The following TMTC4 variants were observed in gnomAD, a reference collection of about 807,000 sequenced individuals.
TMTC4 encodes protein O-mannosyl-transferase TMTC4.
A neutral mutation model predicts 86.0 loss-of-function variants in TMTC4; 65 were observed. The observed-to-expected ratio is 0.76, with a 90% CI of 0.62 to 0.93. TMTC4 has a LOEUF of 0.93. Among genes scored for constraint, TMTC4 ranks in the 40% least tolerant of loss-of-function variants. The pLI is 0.00. For missense variants in TMTC4, 866 were observed against 948.1 expected, an observed-to-expected ratio of 0.91 and a Z score of 1.14; for synonymous variants, 379 against 382.5, an observed-to-expected ratio of 0.99 and a Z score of 0.11.
At chr13:100,662,081 C>T (rs1017161705) in intron 5 of TMTC4, among the ~76,000 whole-genome samples, 1 of 151,862 alleles carries the variant, frequency 6.6e-6, no homozygotes, top group African/African-American at 2.4e-5. Context: ...ACAGAGGCAG[C>T]GCGATGGGAT....
chr13:100,612,341 G>A (rs1010495834), intron 17 of TMTC4, 57 bp downstream of exon 17: 16 of 1,306,410 alleles, frequency 1.2e-5, no homozygotes, highest in Non-Finnish European at 1.6e-5. Context: ...TAACACTTAC[G>A]TCTTCTGTCA....
intron 12 of TMTC4, among the ~76,000 whole-genome samples, chr13:100,632,053 A>ACACACACTCACTCTCTCT (rs1296569630): frequency 2.3e-5 from 1 of 43,110 alleles, no homozygotes; most frequent in Non-Finnish European, 4.7e-5. Flanking sequence ...ACACACACAC[A>ACACACACTCACTCTCTCT]CTCTCTCTCT....
intron 7 of TMTC4, 76 bp downstream of exon 7, chr13:100,642,135 G>A: frequency 1.3e-6 from 2 of 1,498,222 alleles, no homozygotes; most frequent in Non-Finnish European, 1.8e-6. Context: ...CAGAGGCAGG[G>A]CCAGCCCCAG....
At chr13:100,664,663 T>C (rs139298799) in intron 3 of TMTC4, among the ~76,000 whole-genome samples, 69 of 152,274 alleles carry the variant, frequency 4.5e-4, no homozygotes, top group African/African-American at 1.5e-3. Context: ...GGGTCACCCC[T>C]GGACAGTCAC....
chr13:100,659,677 G>C (rs529254765), intron 5 of TMTC4, among the ~76,000 whole-genome samples: 67 of 151,776 alleles, frequency 4.4e-4, no homozygotes, highest in Non-Finnish European at 8.4e-4. Context: ...CCTGTCAGAG[G>C]GTTTGGGTGT....
chr13:100,609,680 T>TACACAC lies in TMTC4; in HGVS notation c.2064+2712_2064+2717dup, dbSNP rs60083702. On this transcript the variant is annotated intron_variant, in intron 17 of 18. Coordinates refer to ENST00000342624, the MANE Select transcript of TMTC4 (RefSeq NM_032813.5). ...TGAATGCTCACTAAATGTATATATA[T>TACACAC]ACACACACACACACACACACACCCA... 4.5e-3 allele frequency among the ~76,000 whole-genome samples: 686 copies of TACACAC among 150,828 alleles called. 7 individuals are homozygous for TACACAC. The highest frequency in any genetic ancestry group is 0.015 in the African/African-American group (628 of 40,934).
In TMTC4 at chr13:100,663,162, C is replaced by A; in HGVS notation, c.354G>T (p.Ser118=). ...VLTFRINYYL[S]GGFHPVGFHV... is the part of the protein sequence containing the mutation. ...GAAAGCCCACGGGGTGGAAGCCTCCCGAGAGGTAGTAGTTAATCCTGCAGA... is the reference window on the plus strand; with the variant it reads ...GAAAGCCCACGGGGTGGAAGCCTCCAGAGAGGTAGTAGTTAATCCTGCAGA... The change falls in exon 5 of 19, where the codon TCG becomes TCT. Residue 118 remains serine (S), a synonymous_variant. Transcript: ENST00000342624. 1 of 1,614,130 alleles carries A rather than the reference C, an allele frequency of 6.2e-7. No homozygotes were observed. The highest frequency in any genetic ancestry group is 8.5e-7 in the Non-Finnish European group (1 of 1,180,036).
At chr13:100,624,624 T>C (rs1487471555) in intron 15 of TMTC4, among the ~76,000 whole-genome samples, 5 of 152,250 alleles carry the variant, frequency 3.3e-5, no homozygotes, top group East Asian at 1.9e-4. Context: ...GCTTCAGGCC[T>C]TTAAAACGAG....
At chr13:100,675,062 A>G, upstream of TMTC4, 1 of 985,658 alleles carries the variant, frequency 1.0e-6, no homozygotes, top group Non-Finnish European at 1.2e-6. Context: ...GCAGGGACAG[A>G]CGGACCCGGC....
At chr13:100,620,076 A>G (rs888149589) in intron 15 of TMTC4, among the ~76,000 whole-genome samples, 2 of 152,222 alleles carry the variant, frequency 1.3e-5, no homozygotes, top group Admixed American at 6.5e-5. Context: ...CTTTCAGGGA[A>G]GCAGAAAAAG....
chr13:100,642,095 A>C, intron 7 of TMTC4, 116 bp downstream of exon 7: 3 of 1,026,142 alleles, frequency 2.9e-6, no homozygotes, highest in Non-Finnish European at 4.4e-6. Context: ...ACCTCAGGCC[A>C]GCAATGGGAT....
chr13:100,607,710 G>T (rs1386505425), intron 17 of TMTC4, among the ~76,000 whole-genome samples: 1 of 152,136 alleles, frequency 6.6e-6, no homozygotes, highest in African/African-American at 2.4e-5. Context: ...TGGTACCCCT[G>T]AGAAATTGGC....
At chr13:100,651,586 G>A (rs1884454432) in intron 6 of TMTC4, among the ~76,000 whole-genome samples, 1 of 150,290 alleles carries the variant, frequency 6.7e-6, no homozygotes, top group African/African-American at 2.4e-5. Flanking sequence ...GGATTCCAGA[G>A]GTTAGGACAG....
Position 100,662,951 on chromosome 13 carries a change from AGAC to A in TMTC4, c.552+10_552+12del. ...TCACGTGCATACAGATGCCTCGGGC[AGAC>A]GACACTTACACACTCGGTGTGCACA... On this transcript the variant is annotated intron_variant, in intron 5 of 18. Transcript: ENST00000342624. 6.2e-7 allele frequency: 1 copy of A among 1,613,008 alleles called. No homozygotes were observed. The highest frequency in any genetic ancestry group is 1.8e-4 in the Middle Eastern group (1 of 5,436).
chr13:100,673,715 T>C (rs748360091), intron 1 of TMTC4, among the ~76,000 whole-genome samples: 6 of 152,222 alleles, frequency 3.9e-5, no homozygotes, highest in Non-Finnish European at 8.8e-5. Flanking sequence ...CAAGAATGTG[T>C]GTGGTTTGAT....
At position 100,642,296 on chromosome 13, in the gene TMTC4, G is replaced by A. The variant is rs777688094; in HGVS notation, c.656C>T (p.Ala219Val). ...KAFRESNKEGAHSSTFWVLLS... is the reference protein window; with the variant it reads ...KAFRESNKEGVHSSTFWVLLS... The stretch of plus-strand genomic sequence containing the variant: ...CAGCACCCAGAAGGTGGAAGAATGC[G>A]CTCCCTCCTTGTTACCTGCCAATTA... The change falls in exon 7 of 19, where the codon GCG (alanine) becomes GTG (valine). Residue 219 changes from alanine to valine, a missense_variant. Transcript: ENST00000342624. The A allele has an allele frequency of 2.5e-5, 40 of 1,614,176 alleles. No homozygotes were observed. In the Admixed American group the frequency reaches 4.7e-4, roughly 19 times the overall value.
rs778387155 is a variant in TMTC4, at chr13:100,605,217, G to C, written c.2135-75C>G. On this transcript the variant is annotated intron_variant, in intron 18 of 18. Transcript: ENST00000342624. The surrounding 1 kb of genome is among the most constrained non-coding windows in gnomAD (Gnocchi z 4.3). Reference sequence around the variant, plus strand: ...CCGTATTCCTACCCTCTTGGACAAAGAAATATTACAGATCCTATGCAAACA... The same window carrying C: ...CCGTATTCCTACCCTCTTGGACAAACAAATATTACAGATCCTATGCAAACA... The C allele has an allele frequency of 1.3e-6, 2 of 1,487,808 alleles. No individual in the cohort carries two copies. The highest frequency in any genetic ancestry group is 1.8e-6 in the Non-Finnish European group (2 of 1,106,608). The allele number at this position is 1,487,808 out of a possible 1,614,324, so 92.2% of individuals were successfully genotyped here. A position where few individuals can be genotyped will look rare whatever the true frequency, so the allele number is the denominator to read the frequency against.
chr13:100,622,232 G>C (rs1879618242), intron 15 of TMTC4, among the ~76,000 whole-genome samples: 1 of 152,318 alleles, frequency 6.6e-6, no homozygotes, highest in East Asian at 1.9e-4. Context: ...CATTCCATGA[G>C]TTCAGCCACA....
intron 6 of TMTC4, among the ~76,000 whole-genome samples, chr13:100,654,088 G>T (rs377562111): frequency 6.6e-6 from 1 of 152,342 alleles, no homozygotes; most frequent in African/African-American, 2.4e-5. Flanking sequence ...GCAGCTTGTA[G>T]ACAAGAGGTC....
Sources: allele counts gnomAD v4.1 joint callset (sites outside exome capture counted in the v4.1 genomes callset), GRCh38; gene constraint gnomAD v4.1.1; non-coding constraint Gnocchi (gnomAD v3.1); transcripts MANE v1.5; gene names NCBI Gene and HGNC (gene_info 2026-07-23, HGNC 2026-07-21).